NCOR2: variants seen among roughly 807,000 people sequenced by gnomAD.
NCOR2 encodes nuclear receptor corepressor 2.
A neutral mutation model predicts 262.9 loss-of-function variants in NCOR2; 81 were observed. The observed-to-expected ratio is 0.31, with a 90% CI of 0.26 to 0.37. NCOR2 has a LOEUF of 0.37. Among genes scored for constraint, NCOR2 ranks in the 10% least tolerant of loss-of-function variants. NCOR2 has a pLI of 1.00. For missense variants in NCOR2, 3,385 were observed against 3,621.4 expected (o/e 0.93, Z 1.68); for synonymous variants, 1,659 against 1,559.3 (o/e 1.06, Z -1.51).
intron 1 of NCOR2, among the ~76,000 whole-genome samples, chr12:124,501,072 A>G (rs755251492): frequency 0.27 from 15,831 of 57,658 alleles, 939 homozygotes; most frequent in Admixed American, 0.33. Flanking sequence ...GCACACACAC[A>G]CACACACACA....
Position 124,501,495 on chromosome 12 carries a change from TG to T in NCOR2, c.-117-6128del, listed in dbSNP as rs1202994196. ...AGGGCCCCACGGCCTCTGGGGGCTC[TG>T]GGGGAGGCCCTTCCTACTTCCTCAC... On this transcript the variant is annotated intron_variant, in intron 1 of 46. Coordinates refer to the NCOR2 transcript ENST00000404621. 7.9e-5 allele frequency among the ~76,000 whole-genome samples: 12 copies of T among 151,410 alleles called. No individual in the cohort carries two copies. The East Asian group carries it at 2.1e-3, about 27-fold the overall frequency.
At chr12:124,395,693 G>A (rs550526911) in intron 16 of NCOR2, among the ~76,000 whole-genome samples, 5 of 152,248 alleles carry the variant, frequency 3.3e-5, no homozygotes, top group African/African-American at 1.2e-4. Flanking sequence ...GGCAATGGGC[G>A]GTGGGGGCGG....
chr12:124,504,732 C>T lies in NCOR2; in HGVS notation c.-117-9364G>A, dbSNP rs1157091122. ...AAGGTAAGCGCTGACTCAGCCACAA[C>T]GCAGGTGAGCCCTGAAGACATGGCA... On this transcript the variant is annotated intron_variant, in intron 1 of 46. Transcript: ENST00000404621. This position sits in a 1 kb window ranked among gnomAD's most constrained non-coding sequence, Gnocchi z 4.5. Among the ~76,000 whole-genome samples, 7 of 152,224 alleles carry T rather than the reference C, an allele frequency of 4.6e-5. No individual in the cohort carries two copies. The highest frequency in any genetic ancestry group is 7.2e-5 in the African/African-American group (3 of 41,468).
At chr12:124,505,550 C>A (rs2048997649) in intron 1 of NCOR2, among the ~76,000 whole-genome samples, 1 of 152,238 alleles carries the variant, frequency 6.6e-6, no homozygotes, top group Non-Finnish European at 1.5e-5. Flanking sequence ...GGACACACTG[C>A]CATTCCAAAG....
chr12:124,430,626 C>T, exon 9 of NCOR2: 1 of 1,612,824 alleles, frequency 6.2e-7, no homozygotes, highest in Non-Finnish European at 8.5e-7. Flanking sequence ...TCTGCATGCG[C>T]TCCTGCAGCT....
chr12:124,330,754 G>C, intron 44 of NCOR2, 91 bp downstream of exon 46: 4 of 1,402,760 alleles, frequency 2.9e-6, no homozygotes, highest in Middle Eastern at 1.8e-4. Flanking sequence ...GACTAGCGAA[G>C]GCTCCTCGTC....
chr12:124,339,853 A>ATCCAT (rs1566364300), intron 37 of NCOR2, among the ~76,000 whole-genome samples, 153 bp downstream of exon 39: 9 of 138,458 alleles, frequency 6.5e-5, no homozygotes, highest in African/African-American at 2.6e-4. Context: ...CCACCCATCC[A>ATCCAT]CTACTCACAC....
At position 124,346,558 on chromosome 12, in the gene NCOR2, C is replaced by A. The variant is rs769247997; in HGVS notation, c.4359+6G>T. The A allele has an allele frequency of 1.3e-6, 2 of 1,536,754 alleles. No homozygotes were observed. Among genetic ancestry groups the A allele is most frequent in the Non-Finnish European group, 1.7e-6 (2 of 1,147,242 alleles). ...CTGGGCCCGTGTGCCTGGCCCTGGG[C>A]CATACCTGCGTGATGGAGCCCTCCT... On this transcript the variant is annotated splice_donor_region_variant and intron_variant, in intron 31 of 46. Transcript: ENST00000405201.
Position 124,426,820 on chromosome 12 carries a change from A to G in NCOR2, c.1150-20T>C. The G allele has an allele frequency of 6.4e-7, 1 of 1,555,472 alleles. No homozygotes were observed. Among genetic ancestry groups the G allele is most frequent in the Admixed American group, 1.8e-5 (1 of 56,988 alleles). ...CAGGTTCTGCAGGGAAACGGAGGGC[A>G]GGGTCAGAGGCCCAGGGACGAGGTG... On this transcript the variant is annotated intron_variant, in intron 10 of 46. Transcript: ENST00000405201.
At chr12:124,522,829 G>T (rs1013791834) in intron 1 of NCOR2, among the ~76,000 whole-genome samples, 2 of 152,330 alleles carry the variant, frequency 1.3e-5, no homozygotes, top group African/African-American at 4.8e-5. Flanking sequence ...CCCTATAGCC[G>T]ACAGAGCTGG....
At chr12:124,488,886 G>A (rs926686187) in intron 1 of NCOR2, among the ~76,000 whole-genome samples, 7 of 152,044 alleles carry the variant, frequency 4.6e-5, no homozygotes, top group Non-Finnish European at 1.0e-4. Context: ...TGGGGGCTGG[G>A]GAGGCCTCTG....
At chr12:124,545,229 C>T (rs837479) in intron 1 of NCOR2, among the ~76,000 whole-genome samples, 48,710 of 151,672 alleles carry the variant, frequency 0.32, 8,017 homozygotes, top group East Asian at 0.49. Context: ...CGGAGGGCCA[C>T]GATGAGAGGA....
Position 124,523,050 on chromosome 12 carries a change from T to C in NCOR2, c.-118+12515A>G, listed in dbSNP as rs1442429689. On this transcript the variant is annotated intron_variant, in intron 1 of 46. Coordinates refer to the NCOR2 transcript ENST00000404621. The surrounding 1 kb of genome is among the most constrained non-coding windows in gnomAD (Gnocchi z 4.0). ...AATAAAGACACTCCCCAGACCAAAA[T>C]GCATCCTATTTCCCCATCCAGGCCC... Among the ~76,000 whole-genome samples the C allele has an allele frequency of 1.3e-5, 2 of 152,136 alleles. No homozygotes were observed. The highest frequency in any genetic ancestry group is 2.9e-5 in the Non-Finnish European group (2 of 68,006).
intron 16 of NCOR2, among the ~76,000 whole-genome samples, chr12:124,390,179 G>A (rs2041191983): frequency 6.6e-6 from 1 of 152,092 alleles, no homozygotes; most frequent in Non-Finnish European, 1.5e-5. Context: ...AGGTCTCAGT[G>A]CACTTTTAAG....
chr12:124,491,787 G>A (rs1371750772), intron 1 of NCOR2, among the ~76,000 whole-genome samples: 2 of 152,176 alleles, frequency 1.3e-5, no homozygotes, highest in African/African-American at 2.4e-5. Context: ...TTTGTTACTG[G>A]ACCCTCAACC....
At chr12:124,334,458 C>T in exon 41 of NCOR2, 1 of 1,497,642 alleles carries the variant, frequency 6.7e-7, no homozygotes, top group Non-Finnish European at 8.9e-7. Flanking sequence ...GAGCCACGGG[C>T]CGGGGCACCA....
In NCOR2 at chr12:124,375,899, C is replaced by T. The variant is rs1470226696; in HGVS notation, c.2168-1436G>A. 3.9e-5 allele frequency among the ~76,000 whole-genome samples: 6 copies of T among 152,214 alleles called. No individual in the cohort carries two copies. In the East Asian group the frequency reaches 1.2e-3, roughly 29 times the overall value. On this transcript the variant is annotated intron_variant, in intron 18 of 46. Coordinates refer to ENST00000405201, the Ensembl canonical transcript of NCOR2. The stretch of plus-strand genomic sequence containing the variant: ...TGCCCCCGGGGAGGGGCCTGCAGTG[C>T]CGCTGGGGCTGGCTGGGTCTCCGGG...
chr12:124,472,525 G>A (rs569684101), intron 4 of NCOR2, among the ~76,000 whole-genome samples: 9 of 152,294 alleles, frequency 5.9e-5, no homozygotes, highest in African/African-American at 1.2e-4. Context: ...GTGAAGCACA[G>A]AGAAGGGACT....
Position 124,388,573 on chromosome 12 carries a change from G to A in NCOR2, c.1877-2686C>T, listed in dbSNP as rs74977427. 2,513 of 1,129,112 alleles carry A rather than the reference G, an allele frequency of 2.2e-3. 132 individuals are homozygous for A. The East Asian group carries it at 0.11, about 50-fold the overall frequency. The allele number at this position is 1,129,112 out of a possible 1,614,324, so 69.9% of individuals were successfully genotyped here. On this transcript the variant is annotated intron_variant, in intron 16 of 46. Coordinates refer to ENST00000405201, the Ensembl canonical transcript of NCOR2. ...GCTGGGACCCCCATCCACTCCAGGG[G>A]CCCAGAACTCCGACTCCCCAGCTGC... is the stretch of plus-strand genomic sequence containing the variant.
Sources: gnomAD v4.1 joint callset for allele counts (sites outside exome capture counted in the v4.1 genomes callset) on GRCh38, gnomAD v4.1.1 for gene constraint, Gnocchi (gnomAD v3.1) non-coding constraint, MANE v1.5 for transcripts, NCBI Gene and HGNC (gene_info 2026-07-23, HGNC 2026-07-21) for gene names.